The following RPS6KC1 variants were observed in gnomAD, a reference collection of about 807,000 sequenced individuals.
RPS6KC1 encodes inactive ribosomal protein S6 kinase delta-1.
RPS6KC1 carries 54 observed loss-of-function variants against 103.8 expected under a neutral mutation model. The observed-to-expected ratio is 0.52, with a 90% CI of 0.42 to 0.65. RPS6KC1 has a LOEUF of 0.65. Among genes scored for constraint, RPS6KC1 ranks in the 30% least tolerant of loss-of-function variants. The pLI, the probability that RPS6KC1 is intolerant of heterozygous loss-of-function variation, is 0.00. For synonymous variants in RPS6KC1, 439 were observed against 438.7 expected (o/e 1.00, Z -0.01); for missense variants, 1,151 against 1,253.8 (o/e 0.92, Z 1.24).
chr1:213,101,772 A>G (rs1196095213), intron 3 of RPS6KC1, among the ~76,000 whole-genome samples: 2 of 152,198 alleles, frequency 1.3e-5, no homozygotes, highest in Admixed American at 6.5e-5. Context: ...ATATTAATTT[A>G]TAGGCACTTG....
At chr1:213,592,331 G>A in the RPS6KC1 span, among the ~76,000 whole-genome samples, 1 of 152,178 alleles carries the variant, frequency 6.6e-6, no homozygotes, top group Non-Finnish European at 1.5e-5. Flanking sequence ...AATCAGAGTT[G>A]AAAACTGGTA....
the RPS6KC1 span, among the ~76,000 whole-genome samples, chr1:213,823,410 A>G: frequency 6.6e-6 from 1 of 152,272 alleles, no homozygotes; most frequent in South Asian, 2.1e-4. Flanking sequence ...TGAATGAATG[A>G]ATTGATGAAT....
chr1:213,278,623 C>T (rs909132439), downstream of RPS6KC1, among the ~76,000 whole-genome samples: 1 of 151,716 alleles, frequency 6.6e-6, no homozygotes, highest in Non-Finnish European at 1.5e-5. Flanking sequence ...CTCTCTTCAT[C>T]CCCTCTTCAT....
chr1:213,155,276 T>C (rs2089739259), intron 6 of RPS6KC1, among the ~76,000 whole-genome samples: 1 of 152,272 alleles, frequency 6.6e-6, no homozygotes, highest in South Asian at 2.1e-4. Context: ...CAGTATGCCA[T>C]GTGTCCTCCT....
chr1:213,368,411 G>A, the RPS6KC1 span, among the ~76,000 whole-genome samples: 6 of 152,130 alleles, frequency 3.9e-5, no homozygotes, highest in Admixed American at 1.3e-4. Flanking sequence ...TGAGTTCCGC[G>A]CCTGCTATAC....
chr1:213,716,001 G>A, the RPS6KC1 span, among the ~76,000 whole-genome samples: 3 of 151,824 alleles, frequency 2.0e-5, no homozygotes, highest in Non-Finnish European at 4.4e-5. Context: ...AAAATATTTT[G>A]TGCAACATAA....
At chr1:213,766,265 T>A in the RPS6KC1 span, among the ~76,000 whole-genome samples, 3 of 152,210 alleles carry the variant, frequency 2.0e-5, no homozygotes, top group African/African-American at 7.2e-5. Context: ...CATGCAATTT[T>A]TCAGGGTCCC....
the RPS6KC1 span, among the ~76,000 whole-genome samples, chr1:213,849,587 T>A: frequency 2.0e-5 from 3 of 152,210 alleles, no homozygotes; most frequent in Admixed American, 6.5e-5. Context: ...TTTTCTCAGC[T>A]ATTTTCATAA....
the RPS6KC1 span, among the ~76,000 whole-genome samples, chr1:213,726,234 C>T: frequency 2.0e-5 from 3 of 152,124 alleles, no homozygotes; most frequent in East Asian, 1.9e-4. Context: ...TACAGGTGCA[C>T]GCTACTACAT....
chr1:213,407,054 G>A, the RPS6KC1 span, among the ~76,000 whole-genome samples: 8 of 152,232 alleles, frequency 5.3e-5, no homozygotes. Flanking sequence ...GGAGAAAGGA[G>A]CCTGGGCCCC....
the RPS6KC1 span, among the ~76,000 whole-genome samples, chr1:213,564,168 C>T: frequency 4.6e-5 from 7 of 151,994 alleles, no homozygotes; most frequent in Non-Finnish European, 1.0e-4. Context: ...AAGAGAAAAT[C>T]GTTTTTAGTC....
chr1:213,858,975 G>A, the RPS6KC1 span, among the ~76,000 whole-genome samples: 1 of 152,194 alleles, frequency 6.6e-6, no homozygotes, highest in African/African-American at 2.4e-5. Context: ...ATCTATGCAG[G>A]CTGGTGATGC....
At chr1:213,392,554 A>C in the RPS6KC1 span, among the ~76,000 whole-genome samples, 1 of 152,226 alleles carries the variant, frequency 6.6e-6, no homozygotes, top group Non-Finnish European at 1.5e-5. Flanking sequence ...CACACATGGA[A>C]TTACAGCTTC....
At chr1:213,664,605 A>G in the RPS6KC1 span, among the ~76,000 whole-genome samples, 1 of 152,014 alleles carries the variant, frequency 6.6e-6, no homozygotes, top group Non-Finnish European at 1.5e-5. Flanking sequence ...TTTGTTCATC[A>G]GTTTTTTGTT....
chr1:213,081,401 A>G (rs1029377290), intron 3 of RPS6KC1, among the ~76,000 whole-genome samples: 2 of 152,098 alleles, frequency 1.3e-5, no homozygotes, highest in Non-Finnish European at 2.9e-5. Flanking sequence ...GTTCACGGGA[A>G]CTAAGAGTGA....
chr1:213,221,312 A>G (rs557189003), intron 8 of RPS6KC1, among the ~76,000 whole-genome samples: 3 of 151,946 alleles, frequency 2.0e-5, no homozygotes, highest in Admixed American at 1.3e-4. Context: ...CTTTTTCCAT[A>G]GGCGAACTGA....
the RPS6KC1 span, among the ~76,000 whole-genome samples, chr1:213,497,567 A>G: frequency 6.6e-6 from 1 of 152,196 alleles, no homozygotes; most frequent in African/African-American, 2.4e-5. Context: ...ATTGGATGCA[A>G]CCAAAGCAGT....
At chr1:213,250,164 C>G (rs1295914179) in intron 12 of RPS6KC1, among the ~76,000 whole-genome samples, 2 of 152,162 alleles carry the variant, frequency 1.3e-5, no homozygotes, top group Admixed American at 1.3e-4. Flanking sequence ...AGGCTAGAGA[C>G]TGAGGTGAGC....
chr1:213,427,295 A>C, the RPS6KC1 span, among the ~76,000 whole-genome samples: 2 of 152,252 alleles, frequency 1.3e-5, no homozygotes, highest in African/African-American at 4.8e-5. Flanking sequence ...CTGTCACTGC[A>C]TCATACAGAA....
Sources: gnomAD v4.1 joint callset for allele counts (sites outside exome capture counted in the v4.1 genomes callset) on GRCh38, gnomAD v4.1.1 for gene constraint, MANE v1.5 for transcripts, NCBI Gene and HGNC (gene_info 2026-07-23, HGNC 2026-07-21) for gene names.